FMN1: variants seen among roughly 807,000 people sequenced by gnomAD.
FMN1 encodes the protein formin 1.
In FMN1, 110 loss-of-function variants were observed where a neutral mutation model predicts 132.4. The ratio of observed to expected loss-of-function variants is 0.83; its 90% CI spans 0.71 to 0.97. The LOEUF is 0.97. Among genes scored for constraint, FMN1 ranks in the 50% least tolerant of loss-of-function variants. FMN1 has a pLI of 0.00. For synonymous variants in FMN1, 722 were observed against 651.7 expected, an observed-to-expected ratio of 1.11 and a Z score of -1.64; for missense variants, 1,792 against 1,705.3, an observed-to-expected ratio of 1.05 and a Z score of -0.90.
chr15:32,826,876 CTCCT>C (rs2141134099), intron 17 of FMN1, among the ~76,000 whole-genome samples: 1 of 152,220 alleles, frequency 6.6e-6, no homozygotes, highest in East Asian at 1.9e-4. Flanking sequence ...TCATTCTTAT[CTCCT>C]TCAACTACTT....
rs2056091073 is a variant in FMN1 at position 32,767,629 on chromosome 15, G to C, written c.*6681C>G. ...TTCTGCCTTTTTAGTATTTTAGATT[G>C]GTTCTTTAAAGGGAAGTTCTTTTTA... On this transcript the variant is annotated 3_prime_UTR_variant, in exon 21 of 21. Coordinates refer to ENST00000616417, the MANE Select transcript of FMN1 (RefSeq NM_001277313.2). The C allele has an allele frequency of 6.6e-6, 1 of 152,056 alleles. No homozygotes were observed. Among genetic ancestry groups the C allele is most frequent in the Non-Finnish European group, 1.5e-5 (1 of 68,006 alleles). The allele number at this position is 152,056 out of a possible 1,614,324, so 9.4% of individuals were successfully genotyped here. A position where few individuals can be genotyped will look rare whatever the true frequency, so the allele number is the denominator to read the frequency against.
chr15:33,051,791 A>G (rs1466826348), intron 6 of FMN1, among the ~76,000 whole-genome samples: 1 of 152,190 alleles, frequency 6.6e-6, no homozygotes, highest in Non-Finnish European at 1.5e-5. Context: ...ACATGCTGAT[A>G]GCCCACTCCA....
At position 32,858,223 on chromosome 15, in the gene FMN1, C is replaced by A. The variant is rs115941820; in HGVS notation, c.3836-1116G>T. Among the ~76,000 whole-genome samples the A allele has an allele frequency of 5.6e-3, 853 of 152,300 alleles. 4 individuals carry two copies. The highest frequency in any genetic ancestry group is 0.02 in the African/African-American group (825 of 41,546). On this transcript the variant is annotated intron_variant, in intron 16 of 20. Transcript: ENST00000616417. ...ATCCAATAATTTGGCATATTTAAAA[C>A]TAGCATCTCAGAACGTATACTGCAG...
chr15:33,153,758 T>C lies in FMN1; in HGVS notation c.1157A>G (p.Gln386Arg). Residue 386 changes from glutamine (Q) to arginine (R), a missense_variant, in exon 4 of 21, where the codon CAG becomes CGG. Gln to Arg is a conservative substitution (Grantham distance 43). Coordinates refer to ENST00000616417, the MANE Select transcript of FMN1 (RefSeq NM_001277313.2). The stretch of plus-strand genomic sequence containing the variant: ...CCTATCCCCTTGCCGCTCCTTGCCC[T>C]GCCGCCTGGAGCCATGAGCCCCAGC... ...AEAGAHGSRR[Q>R]GKERQGDRSS... is the part of the protein sequence containing the mutation. The C allele has an allele frequency of 6.5e-7, 1 of 1,536,238 alleles. No homozygotes were observed. Among genetic ancestry groups the C allele is most frequent in the Non-Finnish European group, 8.7e-7 (1 of 1,146,936 alleles).
chr15:33,059,509 C>CA (rs1471079720), intron 6 of FMN1, among the ~76,000 whole-genome samples: 14 of 152,178 alleles, frequency 9.2e-5, no homozygotes, highest in Admixed American at 9.2e-4. Context: ...TACGTTCCCA[C>CA]AAAAAATGCT....
chr15:32,803,512 G>C (rs1312117413), intron 18 of FMN1, among the ~76,000 whole-genome samples: 3 of 152,158 alleles, frequency 2.0e-5, no homozygotes, highest in African/African-American at 7.2e-5. Flanking sequence ...TGAAGTGGGT[G>C]ACATGAATCT....
At chr15:33,155,091 A>G in intron 3 of FMN1, 46 bp from the exon 4 acceptor site, 1 of 580,200 alleles carries the variant, frequency 1.7e-6, no homozygotes, top group Non-Finnish European at 3.0e-6. Flanking sequence ...AACAGAGTGC[A>G]TAAATCACAC....
At chr15:33,178,896 CATT>C (rs1461324844) in intron 3 of FMN1, among the ~76,000 whole-genome samples, 2 of 152,192 alleles carry the variant, frequency 1.3e-5, no homozygotes, top group Non-Finnish European at 2.9e-5. Flanking sequence ...GGAAGACTGT[CATT>C]GTCACCATCT....
At chr15:32,787,345 C>G (rs1348900582) in intron 19 of FMN1, among the ~76,000 whole-genome samples, 1 of 152,200 alleles carries the variant, frequency 6.6e-6, no homozygotes, top group African/African-American at 2.4e-5. Flanking sequence ...GGCAGGCCAA[C>G]AAGGCCACAT....
chr15:32,829,142 G>T (rs1273643375), intron 17 of FMN1, among the ~76,000 whole-genome samples: 1 of 152,172 alleles, frequency 6.6e-6, no homozygotes, highest in African/African-American at 2.4e-5. Flanking sequence ...CCCAAATGAA[G>T]CAAAATTTCC....
At chr15:32,821,021 C>T (rs951383091) in intron 17 of FMN1, among the ~76,000 whole-genome samples, 3 of 151,058 alleles carry the variant, frequency 2.0e-5, no homozygotes, top group Non-Finnish European at 4.4e-5. Flanking sequence ...TGCTTTTGTC[C>T]TTTAGATTAT....
At chr15:32,957,383 A>C (rs1057510543) in intron 9 of FMN1, among the ~76,000 whole-genome samples, 1 of 141,558 alleles carries the variant, frequency 7.1e-6, no homozygotes, top group East Asian at 2.2e-4. Context: ...CTCCTTGTCA[A>C]GGTGCTGACC....
intron 16 of FMN1, among the ~76,000 whole-genome samples, chr15:32,877,959 T>A (rs2059676969): frequency 6.6e-6 from 1 of 152,210 alleles, no homozygotes; most frequent in African/African-American, 2.4e-5. Context: ...AAAGGTCATA[T>A]ATCTGCCTTC....
At chr15:33,081,477 C>CA (rs1488390033) in intron 5 of FMN1, among the ~76,000 whole-genome samples, 5 of 152,060 alleles carry the variant, frequency 3.3e-5, no homozygotes, top group African/African-American at 1.2e-4. Context: ...TCTAGTGTCC[C>CA]ATATTAGTAG....
intron 15 of FMN1, among the ~76,000 whole-genome samples, chr15:32,889,848 T>C (rs996673824): frequency 2.6e-5 from 4 of 152,208 alleles, no homozygotes; most frequent in Non-Finnish European, 5.9e-5. Flanking sequence ...AGTGGTGATT[T>C]GTGAAATTTT....
chr15:32,890,754 A>C (rs1381378756), intron 15 of FMN1, among the ~76,000 whole-genome samples: 1 of 152,090 alleles, frequency 6.6e-6, no homozygotes, highest in Non-Finnish European at 1.5e-5. Flanking sequence ...CTAAGTCCCA[A>C]CTACTTATCT....
chr15:32,778,276 T>TTATA, intron 19 of FMN1, among the ~76,000 whole-genome samples: 1 of 143,662 alleles, frequency 7.0e-6, no homozygotes, highest in African/African-American at 2.5e-5. Flanking sequence ...AATATATATT[T>TTATA]TATATATATA....
chr15:32,806,002 C>G (rs72717663), intron 17 of FMN1, among the ~76,000 whole-genome samples: 21,341 of 152,166 alleles, frequency 0.14, 1,494 homozygotes, highest in Middle Eastern at 0.18. Flanking sequence ...ATATCCTTCT[C>G]TACAATCAGA....
At chr15:33,068,996 A>C (rs541251218) in intron 5 of FMN1, among the ~76,000 whole-genome samples, 1 of 152,300 alleles carries the variant, frequency 6.6e-6, no homozygotes, top group East Asian at 1.9e-4. Flanking sequence ...AACTAAATGA[A>C]ACCTGGCATG....
Sources: gnomAD v4.1 joint callset for allele counts (sites outside exome capture counted in the v4.1 genomes callset) on GRCh38, gnomAD v4.1.1 for gene constraint, MANE v1.5 for transcripts, NCBI Gene and HGNC (gene_info 2026-07-23, HGNC 2026-07-21) for gene names.